The following AUTS2 variants were observed in gnomAD, a reference collection of about 807,000 sequenced individuals.
The protein encoded by AUTS2 is autism susceptibility gene 2 protein.
A neutral mutation model predicts 112.4 loss-of-function variants in AUTS2; 17 were observed. The observed-to-expected ratio is 0.15, with a 90% CI of 0.10 to 0.23. The LOEUF (loss-of-function observed/expected upper bound fraction) is 0.23. Among genes scored for constraint, AUTS2 ranks in the 10% least tolerant of loss-of-function variants. AUTS2 has a pLI of 1.00. For synonymous variants in AUTS2, 751 were observed against 702.7 expected (o/e 1.07, Z -1.09); for missense variants, 1,510 against 1,701.6 (o/e 0.89, Z 1.98).
At chr7:70,079,803 G>A (rs771201147) in intron 2 of AUTS2, among the ~76,000 whole-genome samples, 19 of 152,072 alleles carry the variant, frequency 1.2e-4, no homozygotes, top group South Asian at 6.2e-4. Flanking sequence ...ACAGAACACC[G>A]CAAACTGAGT....
intron 4 of AUTS2, among the ~76,000 whole-genome samples, chr7:70,280,474 T>C (rs1381632675): frequency 6.6e-6 from 1 of 150,462 alleles, no homozygotes; most frequent in African/African-American, 2.4e-5. Flanking sequence ...TTTTTTGTAT[T>C]TTTAGCAGAG....
At chr7:70,105,551 C>T (rs892431443) in intron 2 of AUTS2, among the ~76,000 whole-genome samples, 5 of 152,172 alleles carry the variant, frequency 3.3e-5, no homozygotes, top group Admixed American at 6.6e-5. Context: ...AGCACATACC[C>T]GGACCCACAT....
intron 2 of AUTS2, among the ~76,000 whole-genome samples, chr7:69,972,722 G>T (rs546142065): frequency 3.3e-5 from 5 of 151,042 alleles, no homozygotes; most frequent in South Asian, 4.2e-4. Context: ...TATATGTCCA[G>T]TTGTTTTAGC....
At chr7:70,442,811 G>A (rs775216994) in intron 5 of AUTS2, among the ~76,000 whole-genome samples, 4 of 152,042 alleles carry the variant, frequency 2.6e-5, no homozygotes, top group East Asian at 1.9e-4. Context: ...TTTTGGATGC[G>A]TGATTTCCGT....
chr7:70,273,901 A>C (rs17683984), intron 4 of AUTS2, among the ~76,000 whole-genome samples: 1 of 152,246 alleles, frequency 6.6e-6, no homozygotes, highest in African/African-American at 2.4e-5. Context: ...AGAAGATTTT[A>C]AAAATATTGC....
intron 5 of AUTS2, among the ~76,000 whole-genome samples, chr7:70,497,925 A>G (rs149200898): frequency 1.2e-3 from 184 of 152,318 alleles, no homozygotes; most frequent in African/African-American, 4.2e-3. Flanking sequence ...TCCAGCCGCA[A>G]TAGTCCAAAC....
At chr7:70,681,066 G>A (rs1379459620) in intron 5 of AUTS2, among the ~76,000 whole-genome samples, 1 of 152,220 alleles carries the variant, frequency 6.6e-6, no homozygotes, top group Non-Finnish European at 1.5e-5. Flanking sequence ...AGACCTGAGT[G>A]AAAGTGAAGT....
At chr7:70,760,494 T>C (rs1789502934) in intron 6 of AUTS2, among the ~76,000 whole-genome samples, 1 of 152,250 alleles carries the variant, frequency 6.6e-6, no homozygotes, top group African/African-American at 2.4e-5. Context: ...CTCAAAGGCC[T>C]GGATCATGCA....
intron 1 of AUTS2, among the ~76,000 whole-genome samples, chr7:69,884,430 A>G (rs1043868780): frequency 2.0e-5 from 3 of 152,260 alleles, no homozygotes; most frequent in South Asian, 2.1e-4. Flanking sequence ...CAGCATTTCA[A>G]GTGCTATCAG....
At chr7:69,876,376 ATATATATG>A (rs1208704942) in intron 1 of AUTS2, among the ~76,000 whole-genome samples, 3 of 114,482 alleles carry the variant, frequency 2.6e-5, no homozygotes, top group African/African-American at 1.0e-4. Flanking sequence ...ATATATATAT[ATATATATG>A]TATATATAAT....
intron 2 of AUTS2, among the ~76,000 whole-genome samples, chr7:69,951,090 T>C (rs1249377341): frequency 2.0e-5 from 3 of 152,196 alleles, no homozygotes; most frequent in Non-Finnish European, 4.4e-5. Flanking sequence ...GAATAACTTT[T>C]TTTATTTCCA....
At chr7:70,015,246 A>G (rs1222557593) in intron 2 of AUTS2, among the ~76,000 whole-genome samples, 1 of 152,216 alleles carries the variant, frequency 6.6e-6, no homozygotes, top group African/African-American at 2.4e-5. Context: ...ATTAGTATCC[A>G]CAGTAAACCA....
intron 1 of AUTS2, among the ~76,000 whole-genome samples, chr7:69,707,541 G>A (rs564387849): frequency 3.5e-4 from 53 of 152,298 alleles, no homozygotes; most frequent in African/African-American, 1.3e-3. Context: ...CTTTGGGCAT[G>A]CCACTGAAAT....
chr7:69,857,583 C>T (rs1038737286), intron 1 of AUTS2, among the ~76,000 whole-genome samples: 4 of 152,136 alleles, frequency 2.6e-5, no homozygotes, highest in South Asian at 2.1e-4. Flanking sequence ...TTTTATTTAT[C>T]GTCTTAGAGA....
intron 1 of AUTS2, among the ~76,000 whole-genome samples, chr7:69,888,540 G>GATAGATATATATATATAT (rs1468555842): frequency 9.1e-5 from 9 of 99,232 alleles, no homozygotes; most frequent in African/African-American, 3.4e-4. Context: ...CAACATTGGG[G>GATAGATATATATATATAT]ATATATATAT....
chr7:70,769,921 A>G (rs1283144052), intron 10 of AUTS2, among the ~76,000 whole-genome samples: 1 of 152,212 alleles, frequency 6.6e-6, no homozygotes, highest in Non-Finnish European at 1.5e-5. Context: ...GAGGTCAATG[A>G]TGGAATAAAG....
intron 2 of AUTS2, among the ~76,000 whole-genome samples, chr7:69,978,398 A>G (rs1029830322): frequency 5.9e-5 from 9 of 152,210 alleles, no homozygotes; most frequent in African/African-American, 1.9e-4. Context: ...ACTGTTAGCC[A>G]TTTCAGCCAG....
chr7:70,147,485 T>G (rs1448783579), intron 4 of AUTS2, among the ~76,000 whole-genome samples: 1 of 152,120 alleles, frequency 6.6e-6, no homozygotes, highest in Non-Finnish European at 1.5e-5. Flanking sequence ...TTGTTATCAC[T>G]TACCTACAAC....
intron 1 of AUTS2, among the ~76,000 whole-genome samples, chr7:69,729,694 G>A (rs1786695402): frequency 6.6e-6 from 1 of 151,942 alleles, no homozygotes; most frequent in South Asian, 2.1e-4. Flanking sequence ...AATTTCTTCA[G>A]TACATCCTCT....
Sources: gnomAD v4.1 joint callset for allele counts (sites outside exome capture counted in the v4.1 genomes callset) on GRCh38, gnomAD v4.1.1 for gene constraint, MANE v1.5 for transcripts, NCBI Gene and HGNC (gene_info 2026-07-23, HGNC 2026-07-21) for gene names.